Variants in PTPRG observed in about 807,000 individuals in gnomAD.
The protein encoded by PTPRG is receptor-type tyrosine-protein phosphatase gamma.
PTPRG carries 102 observed loss-of-function variants against 165.3 expected under a neutral mutation model. That is an observed-to-expected ratio of 0.62 (90% CI 0.53 to 0.73). The LOEUF (loss-of-function observed/expected upper bound fraction) is 0.73, where lower values mean the gene tolerates loss of function less well. PTPRG is among the 30% of genes least tolerant of loss of function. The pLI is 0.00. For synonymous variants in PTPRG, 675 were observed against 669.5 expected (o/e 1.01, Z -0.13); for missense variants, 1,866 against 1,861.4 (o/e 1.00, Z -0.05).
chr3:61,649,560 G>A (rs1283790649), intron 1 of PTPRG, among the ~76,000 whole-genome samples: 2 of 152,142 alleles, frequency 1.3e-5, no homozygotes, highest in African/African-American at 4.8e-5. Flanking sequence ...CATTAACAAG[G>A]GAGGAGCCAT....
At chr3:61,653,697 G>T (rs1434565788) in intron 1 of PTPRG, among the ~76,000 whole-genome samples, 5 of 152,052 alleles carry the variant, frequency 3.3e-5, no homozygotes, top group African/African-American at 4.8e-5. Flanking sequence ...GTTGTCCCCT[G>T]CCCTTTCAAC....
intron 1 of PTPRG, among the ~76,000 whole-genome samples, chr3:61,566,553 G>A (rs1456324528): frequency 6.6e-6 from 1 of 152,330 alleles, no homozygotes; most frequent in Middle Eastern, 3.4e-3. Context: ...TGTCACCCAG[G>A]CTGGAGTGCA....
intron 6 of PTPRG, among the ~76,000 whole-genome samples, chr3:62,134,683 T>G (rs1333637852): frequency 6.6e-6 from 1 of 152,232 alleles, no homozygotes; most frequent in Admixed American, 6.5e-5. Flanking sequence ...ATAACTGTGT[T>G]TGTGTTTTTG....
At chr3:62,089,548 G>GA (rs1224469820) in intron 5 of PTPRG, among the ~76,000 whole-genome samples, 2 of 152,160 alleles carry the variant, frequency 1.3e-5, no homozygotes, top group African/African-American at 2.4e-5. Context: ...ATCTCAATGT[G>GA]ATATAGTAAA....
At position 62,255,241 on chromosome 3, in the gene PTPRG, T is replaced by C. The variant is rs772317247; in HGVS notation, c.2559+26T>C. 6.4e-7 allele frequency: 1 copy of C among 1,565,946 alleles called. No individual in the cohort carries two copies. On this transcript the variant is annotated intron_variant, in intron 16 of 29. Coordinates refer to ENST00000474889, the MANE Select transcript of PTPRG (RefSeq NM_002841.4). This position sits in a 1 kb window ranked among gnomAD's most constrained non-coding sequence, Gnocchi z 4.0. ...GTATGTTTCAAGGCTGGAAGTTAACTTCCAGAAACCTAAGTCTTACTTTAT... is the reference window on the plus strand; with the variant it reads ...GTATGTTTCAAGGCTGGAAGTTAACCTCCAGAAACCTAAGTCTTACTTTAT...
At position 62,275,939 on chromosome 3, in the gene PTPRG, A is replaced by C. The variant is rs763986586; in HGVS notation, c.3532A>C (p.Lys1178Gln). 4 of 1,611,246 alleles carry C rather than the reference A, an allele frequency of 2.5e-6. No homozygotes were observed. Among genetic ancestry groups the C allele is most frequent in the African/African-American group, 1.3e-5 (1 of 74,818 alleles). ...TGCTCAGAAAGAGTGTAACAAAGAA[A>C]AGAACAGAAACTCTTCAGTTGTGCC... ...FSAQKECNKE[K>Q]NRNSSVVPSE... Residue 1178 changes from lysine to glutamine, a missense_variant, in exon 24 of 30, where the codon AAG (lysine) becomes CAG (glutamine). Physicochemically the swap from Lys to Gln is moderately conservative, Grantham distance 53. Coordinates refer to ENST00000474889, the MANE Select transcript of PTPRG (RefSeq NM_002841.4).
At chr3:62,143,031 C>T (rs2106648585) in intron 6 of PTPRG, among the ~76,000 whole-genome samples, 1 of 152,328 alleles carries the variant, frequency 6.6e-6, no homozygotes, top group East Asian at 1.9e-4. Context: ...CAAGGTCTTC[C>T]TGACTTCAGA....
chr3:61,841,331 T>G (rs2036626535), intron 2 of PTPRG, among the ~76,000 whole-genome samples: 1 of 152,204 alleles, frequency 6.6e-6, no homozygotes. Flanking sequence ...GGCGGCCAGG[T>G]GCACTCTCTA....
At chr3:61,722,113 T>C (rs1415432875) in intron 1 of PTPRG, among the ~76,000 whole-genome samples, 4 of 152,136 alleles carry the variant, frequency 2.6e-5, no homozygotes, top group African/African-American at 9.6e-5. Flanking sequence ...GTCTTATGGT[T>C]TTGGAGGCTG....
At chr3:61,666,136 T>G (rs996271433) in intron 1 of PTPRG, among the ~76,000 whole-genome samples, 1 of 151,962 alleles carries the variant, frequency 6.6e-6, no homozygotes, top group Non-Finnish European at 1.5e-5. Context: ...GGAGAAAGAG[T>G]TGCAGAGTGT....
Position 61,651,769 on chromosome 3 carries a change from G to A in PTPRG, c.85+89397G>A, listed in dbSNP as rs145488772. ...TCACGCCTGGAATCCCAGCACTTTG[G>A]GAGGCCGAGGTAGGTGGATCACTTG... On this transcript the variant is annotated intron_variant, in intron 1 of 29. Coordinates refer to ENST00000474889, the MANE Select transcript of PTPRG (RefSeq NM_002841.4). Among the ~76,000 whole-genome samples, 1,383 of 152,262 alleles carry A rather than the reference G, an allele frequency of 9.1e-3. 26 individuals carry two copies. Among genetic ancestry groups the A allele is most frequent in the African/African-American group, 0.029 (1,201 of 41,544 alleles).
rs894486155 is a variant in PTPRG, at chr3:62,203,042, C to G, written c.1378-131C>G. 1 of 1,432,138 alleles carries G rather than the reference C, an allele frequency of 7.0e-7. No individual in the cohort carries two copies. 88.7% of individuals were successfully genotyped at this position (1,432,138 alleles called of 1,614,324 possible). A position where few individuals can be genotyped will look rare whatever the true frequency, so the allele number is the denominator to read the frequency against. On this transcript the variant is annotated intron_variant, in intron 11 of 29. Coordinates refer to ENST00000474889, the MANE Select transcript of PTPRG (RefSeq NM_002841.4). This position sits in a 1 kb window ranked among gnomAD's most constrained non-coding sequence, Gnocchi z 6.4. Reference sequence around the variant, plus strand: ...CAACTTTATGCCATACATTGGAAAACTCCATAGCATAGATGAGTAAAATCC... The same window carrying G: ...CAACTTTATGCCATACATTGGAAAAGTCCATAGCATAGATGAGTAAAATCC...
At chr3:62,204,355 A>T (rs913418459) in intron 12 of PTPRG, among the ~76,000 whole-genome samples, 2 of 152,174 alleles carry the variant, frequency 1.3e-5, no homozygotes, top group African/African-American at 4.8e-5. Context: ...GTCCCAGGGG[A>T]TCCTAGTCCC....
intron 6 of PTPRG, among the ~76,000 whole-genome samples, chr3:62,134,681 G>A (rs1175494489): frequency 1.3e-5 from 2 of 152,150 alleles, no homozygotes; most frequent in African/African-American, 4.8e-5. Context: ...AAATAACTGT[G>A]TTTGTGTTTT....
At chr3:61,816,566 G>C (rs1347617060) in intron 2 of PTPRG, among the ~76,000 whole-genome samples, 1 of 152,076 alleles carries the variant, frequency 6.6e-6, no homozygotes, top group Non-Finnish European at 1.5e-5. Flanking sequence ...ATGTTGGAAT[G>C]TTAACTCTAT....
At position 62,275,886 on chromosome 3, in the gene PTPRG, G is replaced by A. The variant is rs775246963; in HGVS notation, c.3479G>A (p.Cys1160Tyr). Reference protein sequence around the residue: ...LEKQFKLVTQCNAKYVECFSA... With the variant: ...LEKQFKLVTQYNAKYVECFSA... ...TTTCTTTTTCAGCTGGTCACACAGT[G>A]TAATGCAAAATATGTGGAATGTTTC... is the stretch of plus-strand genomic sequence containing the variant. The change falls in exon 24 of 30, where the codon TGT (cysteine) becomes TAT (tyrosine). Residue 1160 changes from cysteine to tyrosine, a missense_variant. Cys to Tyr is a radical substitution (Grantham distance 194). Coordinates refer to ENST00000474889, the MANE Select transcript of PTPRG (RefSeq NM_002841.4). The A allele has an allele frequency of 5.6e-6, 9 of 1,609,288 alleles. No homozygotes were observed. The East Asian group carries it at 1.6e-4, about 28-fold the overall frequency.
chr3:61,800,041 C>T (rs1449824014), intron 2 of PTPRG, among the ~76,000 whole-genome samples: 1 of 152,150 alleles, frequency 6.6e-6, no homozygotes, highest in African/African-American at 2.4e-5. Flanking sequence ...CTTTCTTCAT[C>T]TATCATATGG....
At chr3:62,127,757 A>G (rs975156441) in intron 5 of PTPRG, among the ~76,000 whole-genome samples, 1 of 152,208 alleles carries the variant, frequency 6.6e-6, no homozygotes, top group Non-Finnish European at 1.5e-5. Flanking sequence ...GGCATGGGGG[A>G]CAGTAGAAGT....
chr3:62,069,485 T>C (rs1259828994), intron 4 of PTPRG, among the ~76,000 whole-genome samples: 1 of 152,130 alleles, frequency 6.6e-6, no homozygotes, highest in Admixed American at 6.5e-5. Context: ...AGTTCAGAGC[T>C]CAAAGAAGCT....
Sources: gnomAD v4.1 joint callset for allele counts (sites outside exome capture counted in the v4.1 genomes callset) on GRCh38, gnomAD v4.1.1 for gene constraint, Gnocchi (gnomAD v3.1) non-coding constraint, MANE v1.5 for transcripts, NCBI Gene and HGNC (gene_info 2026-07-23, HGNC 2026-07-21) for gene names.